Variants in STPG2 observed in about 807,000 individuals in gnomAD.
The protein encoded by STPG2 is sperm-tail PG-rich repeat-containing protein 2.
In STPG2, 56 loss-of-function variants were observed where a neutral mutation model predicts 54.2. The observed-to-expected ratio is 1.03, with a 90% CI of 0.83 to 1.29. The LOEUF (loss-of-function observed/expected upper bound fraction) is 1.29. STPG2 is among the 50% of genes most tolerant of loss of function. The pLI is 0.00. For missense variants in STPG2, 596 were observed against 544.9 expected (o/e 1.09, Z -0.93); for synonymous variants, 200 against 181.8 (o/e 1.10, Z -0.81).
intron 8 of STPG2, among the ~76,000 whole-genome samples, chr4:97,850,799 A>T (rs1729135830): frequency 6.6e-6 from 1 of 152,160 alleles, no homozygotes; most frequent in South Asian, 2.1e-4. Context: ...CCAAAAAAGT[A>T]GTTGCTTTAC....
intron 7 of STPG2, among the ~76,000 whole-genome samples, chr4:97,965,043 T>A (rs1734040757): frequency 6.6e-6 from 1 of 152,116 alleles, no homozygotes; most frequent in South Asian, 2.1e-4. Context: ...GGGCATCACC[T>A]CACCCAGGAA....
intron 10 of STPG2, among the ~76,000 whole-genome samples, chr4:97,644,370 C>T (rs377309565): frequency 7.9e-5 from 12 of 152,110 alleles, no homozygotes; most frequent in African/African-American, 2.6e-4. Context: ...TTCTGTCTCT[C>T]CCATGTCACT....
At chr4:97,489,637 T>A (rs1730455493) in intron 4 of STPG2, 1 of 151,630 alleles carries the variant, frequency 6.6e-6, no homozygotes, top group African/African-American at 2.4e-5. Context: ...GGGAAAGAAT[T>A]TTGAGTTCTT....
At chr4:98,102,566 T>C (rs1162692207) in intron 5 of STPG2, among the ~76,000 whole-genome samples, 1 of 152,086 alleles carries the variant, frequency 6.6e-6, no homozygotes, top group Non-Finnish European at 1.5e-5. Flanking sequence ...GTTTATGCCT[T>C]GGGTCCCTTT....
Position 97,870,477 on chromosome 4 carries a change from T to A in STPG2, c.1045-29545A>T, listed in dbSNP as rs984443952. Among the ~76,000 whole-genome samples, 4 of 151,458 alleles carry A rather than the reference T, an allele frequency of 2.6e-5. No individual in the cohort carries two copies. The South Asian group carries it at 8.3e-4, about 31-fold the overall frequency. ...GGAAAAATAAAAGGGTAAGCAAAGA[T>A]GAAGCATGTATACCAGGCAAATGTA... On this transcript the variant is annotated intron_variant, in intron 8 of 10. Coordinates refer to ENST00000295268, the MANE Select transcript of STPG2 (RefSeq NM_174952.3).
rs144968138 is a variant in STPG2, at chr4:97,984,134, A to T, written c.613-2816T>A. 7.2e-5 allele frequency among the ~76,000 whole-genome samples: 11 copies of T among 152,246 alleles called. No homozygotes were observed. The East Asian group carries it at 2.1e-3, about 29-fold the overall frequency. Reference sequence around the variant, plus strand: ...CCCAATAAACCAACCTACTAAAAATAATTAAGAATTTGTTTCCAATTCTTC... The same window carrying T: ...CCCAATAAACCAACCTACTAAAAATTATTAAGAATTTGTTTCCAATTCTTC... On this transcript the variant is annotated intron_variant, in intron 5 of 10. Coordinates refer to ENST00000295268, the MANE Select transcript of STPG2 (RefSeq NM_174952.3).
intron 8 of STPG2, among the ~76,000 whole-genome samples, chr4:97,922,487 G>A (rs1732146230): frequency 6.6e-6 from 1 of 152,098 alleles, no homozygotes; most frequent in Non-Finnish European, 1.5e-5. Flanking sequence ...GAATGCCTTT[G>A]TTGTACAAAA....
chr4:97,820,741 C>T (rs1728060371), intron 9 of STPG2, among the ~76,000 whole-genome samples: 1 of 152,074 alleles, frequency 6.6e-6, no homozygotes, highest in Non-Finnish European at 1.5e-5. Flanking sequence ...AGAAGGTAAG[C>T]AAGAGCAGGC....
intron 5 of STPG2, among the ~76,000 whole-genome samples, chr4:98,061,920 AT>A (rs1737673423): frequency 6.6e-6 from 1 of 152,246 alleles, no homozygotes; most frequent in Non-Finnish European, 1.5e-5. Context: ...CAGAACAGTC[AT>A]TTGACCCAGC....
At chr4:97,854,323 T>C (rs993627165) in intron 8 of STPG2, among the ~76,000 whole-genome samples, 1 of 152,042 alleles carries the variant, frequency 6.6e-6, no homozygotes, top group Non-Finnish European at 1.5e-5. Context: ...AATTTTCTCA[T>C]CTGTAAAATG....
At chr4:97,973,414 A>G (rs892850086) in intron 6 of STPG2, among the ~76,000 whole-genome samples, 3 of 152,332 alleles carry the variant, frequency 2.0e-5, no homozygotes, top group South Asian at 2.1e-4. Flanking sequence ...AAAGGCATTC[A>G]GTTTTATAAG....
intron 6 of STPG2, among the ~76,000 whole-genome samples, chr4:97,980,200 T>TA (rs1184220572): frequency 6.6e-6 from 1 of 152,072 alleles, no homozygotes; most frequent in Non-Finnish European, 1.5e-5. Flanking sequence ...AAAATTTTTT[T>TA]AAAAAATGAT....
chr4:97,767,173 T>C (rs1483300232), intron 9 of STPG2, among the ~76,000 whole-genome samples: 2 of 152,174 alleles, frequency 1.3e-5, no homozygotes, highest in Non-Finnish European at 2.9e-5. Context: ...AGAAGCTTTA[T>C]AGTGTCTATC....
chr4:97,781,301 A>T (rs1470304624), intron 9 of STPG2, among the ~76,000 whole-genome samples: 1 of 152,168 alleles, frequency 6.6e-6, no homozygotes, highest in Non-Finnish European at 1.5e-5. Flanking sequence ...TACTATAAAC[A>T]CCTCTACGCA....
chr4:97,492,380 G>T (rs1730520944), intron 4 of STPG2, among the ~76,000 whole-genome samples: 1 of 151,486 alleles, frequency 6.6e-6, no homozygotes, highest in African/African-American at 2.4e-5. Context: ...AAACATCAAG[G>T]AGAGGGGCAC....
At chr4:97,561,697 A>G (rs1732251059) in intron 10 of STPG2, among the ~76,000 whole-genome samples, 1 of 152,208 alleles carries the variant, frequency 6.6e-6, no homozygotes, top group African/African-American at 2.4e-5. Context: ...TTAAATAGGG[A>G]ATCCTTTCCC....
chr4:97,837,060 A>C (rs897411014), intron 9 of STPG2, among the ~76,000 whole-genome samples: 1 of 151,630 alleles, frequency 6.6e-6, no homozygotes, highest in Non-Finnish European at 1.5e-5. Flanking sequence ...CCATGTTTAA[A>C]AAAACCATAT....
chr4:98,096,507 A>G (rs1395202786), intron 5 of STPG2, among the ~76,000 whole-genome samples: 2 of 152,146 alleles, frequency 1.3e-5, no homozygotes, highest in African/African-American at 4.8e-5. Flanking sequence ...ATAAGCCCCT[A>G]CACCAAAAAG....
intron 10 of STPG2, among the ~76,000 whole-genome samples, chr4:97,563,120 A>G (rs1413061693): frequency 6.6e-6 from 1 of 152,018 alleles, no homozygotes; most frequent in Non-Finnish European, 1.5e-5. Flanking sequence ...CAATTTCAGA[A>G]CCTGTTATTG....
Sources: gnomAD v4.1 joint callset for allele counts (sites outside exome capture counted in the v4.1 genomes callset) on GRCh38, gnomAD v4.1.1 for gene constraint, MANE v1.5 for transcripts, NCBI Gene and HGNC (gene_info 2026-07-23, HGNC 2026-07-21) for gene names.